The following TMTC1 variants were observed in gnomAD, a reference collection of about 807,000 sequenced individuals.
The protein encoded by TMTC1 is transmembrane O-mannosyltransferase targeting cadherins 1.
TMTC1 carries 73 observed loss-of-function variants against 104.8 expected under a neutral mutation model. The observed-to-expected ratio is 0.70, with a 90% CI of 0.58 to 0.85. The LOEUF (loss-of-function observed/expected upper bound fraction) is 0.85. Ranked by LOEUF, TMTC1 falls within the 40% of genes least tolerant of loss-of-function variation. The pLI is 0.00. For synonymous variants in TMTC1, 434 were observed against 428.7 expected (o/e 1.01, Z -0.15); for missense variants, 1,035 against 1,096.1 (o/e 0.94, Z 0.79).
At chr12:29,693,567 T>C (rs1313262045) in intron 5 of TMTC1, among the ~76,000 whole-genome samples, 1 of 152,184 alleles carries the variant, frequency 6.6e-6, no homozygotes, top group East Asian at 1.9e-4. Context: ...ACTACTATTC[T>C]ACTGTCTACT....
At chr12:29,687,529 A>T (rs1296788063) in intron 5 of TMTC1, among the ~76,000 whole-genome samples, 1 of 151,892 alleles carries the variant, frequency 6.6e-6, no homozygotes, top group Non-Finnish European at 1.5e-5. Context: ...TTTTGCTATA[A>T]AGGACATTAT....
At chr12:29,576,853 C>A (rs141468647) in intron 8 of TMTC1, among the ~76,000 whole-genome samples, 4 of 152,210 alleles carry the variant, frequency 2.6e-5, no homozygotes, top group African/African-American at 9.6e-5. Flanking sequence ...TGCTTACCTG[C>A]AGTAATCATT....
chr12:29,631,377 C>T (rs1938288884), intron 6 of TMTC1, among the ~76,000 whole-genome samples: 1 of 152,056 alleles, frequency 6.6e-6, no homozygotes, highest in South Asian at 2.1e-4. Flanking sequence ...GTGTAATTTG[C>T]TTTTATTTTT....
At chr12:29,587,438 A>C (rs953801761) in intron 7 of TMTC1, among the ~76,000 whole-genome samples, 6 of 151,590 alleles carry the variant, frequency 4.0e-5, no homozygotes, top group African/African-American at 1.5e-4. Flanking sequence ...GGCTCAACTG[A>C]TTCTCCCTCC....
At chr12:29,635,643 G>A (rs987696563) in intron 5 of TMTC1, among the ~76,000 whole-genome samples, 3 of 152,132 alleles carry the variant, frequency 2.0e-5, no homozygotes, top group Non-Finnish European at 2.9e-5. Flanking sequence ...ATGTCCTCCT[G>A]ATGGAAATAA....
At chr12:29,718,932 CAAAAAAA>C (rs35351612) in intron 5 of TMTC1, among the ~76,000 whole-genome samples, 2 of 88,292 alleles carry the variant, frequency 2.3e-5, no homozygotes, top group East Asian at 3.4e-4. Context: ...GACTCCATCT[CAAAAAAA>C]AAAAAAAAAA....
chr12:29,719,243 C>T (rs1485389322), intron 5 of TMTC1, among the ~76,000 whole-genome samples: 2 of 152,116 alleles, frequency 1.3e-5, no homozygotes, highest in Non-Finnish European at 2.9e-5. Flanking sequence ...TGGTTTTTAT[C>T]TTTAAGCTTT....
At chr12:29,573,868 T>C (rs1945748619) in intron 8 of TMTC1, among the ~76,000 whole-genome samples, 2 of 151,558 alleles carry the variant, frequency 1.3e-5, no homozygotes, top group African/African-American at 4.9e-5. Context: ...CAGTGCAAAG[T>C]CTCCAACAGA....
At chr12:29,776,921 C>T (rs1226499496) in intron 1 of TMTC1, among the ~76,000 whole-genome samples, 1 of 152,154 alleles carries the variant, frequency 6.6e-6, no homozygotes, top group Admixed American at 6.5e-5. Context: ...GTGCAAAGAA[C>T]AAGGGCTCTG....
chr12:29,614,931 C>T lies in TMTC1; in HGVS notation c.1129-10632G>A, dbSNP rs534824715. Among the ~76,000 whole-genome samples the T allele has an allele frequency of 1.2e-4, 19 of 152,320 alleles. No individual in the cohort carries two copies. The South Asian group carries it at 1.5e-3, about 12-fold the overall frequency. On this transcript the variant is annotated intron_variant, in intron 6 of 17. Coordinates refer to ENST00000539277, the MANE Select transcript of TMTC1 (RefSeq NM_001193451.2). Reference sequence around the variant, plus strand: ...TCATTGTGAGGACCAAAATCTGTAACAGGCAGAAAAATAGGGTTCACTGGC... The same window carrying T: ...TCATTGTGAGGACCAAAATCTGTAATAGGCAGAAAAATAGGGTTCACTGGC...
intron 5 of TMTC1, among the ~76,000 whole-genome samples, chr12:29,671,274 T>C (rs1225963571): frequency 6.6e-6 from 1 of 150,840 alleles, no homozygotes; most frequent in Non-Finnish European, 1.5e-5. Flanking sequence ...CACTCCAGCC[T>C]GGGCGACAGA....
intron 5 of TMTC1, among the ~76,000 whole-genome samples, chr12:29,634,905 C>G (rs1431023653): frequency 6.6e-6 from 1 of 152,146 alleles, no homozygotes; most frequent in Non-Finnish European, 1.5e-5. Context: ...GTTTAGAACA[C>G]CTTCTCAGTT....
chr12:29,551,837 T>C (rs1348562181), intron 10 of TMTC1, among the ~76,000 whole-genome samples: 1 of 151,586 alleles, frequency 6.6e-6, no homozygotes, highest in Non-Finnish European at 1.5e-5. Context: ...CCAACAAGAA[T>C]TAATATAAAT....
intron 5 of TMTC1, among the ~76,000 whole-genome samples, chr12:29,691,963 G>A (rs1240980608): frequency 1.4e-5 from 2 of 144,816 alleles, no homozygotes; most frequent in Non-Finnish European, 3.0e-5. Context: ...TGAACAGATA[G>A]GAATGTTCTC....
intron 10 of TMTC1, among the ~76,000 whole-genome samples, chr12:29,551,434 T>C (rs370042585): frequency 6.6e-6 from 1 of 152,350 alleles, no homozygotes; most frequent in Non-Finnish European, 1.5e-5. Flanking sequence ...AAATCAAATA[T>C]ATCCTGTTAT....
chr12:29,677,739 G>A (rs1172353420), intron 5 of TMTC1, among the ~76,000 whole-genome samples: 1 of 152,204 alleles, frequency 6.6e-6, no homozygotes, highest in Non-Finnish European at 1.5e-5. Context: ...TCACCCATTA[G>A]TGATGTAGCA....
intron 7 of TMTC1, among the ~76,000 whole-genome samples, chr12:29,586,279 T>G (rs1172321184): frequency 4.6e-5 from 7 of 152,278 alleles, no homozygotes; most frequent in African/African-American, 1.7e-4. Context: ...TTTTGTACAT[T>G]GATTTTGTAT....
At chr12:29,559,638 C>T (rs111383013) in intron 9 of TMTC1, among the ~76,000 whole-genome samples, 199 of 152,234 alleles carry the variant, frequency 1.3e-3, no homozygotes, top group African/African-American at 3.6e-3. Flanking sequence ...AATTATAGTC[C>T]GGGAAGAGGC....
At chr12:29,602,960 A>C (rs931876816) in intron 7 of TMTC1, among the ~76,000 whole-genome samples, 15 of 152,190 alleles carry the variant, frequency 9.9e-5, no homozygotes, top group African/African-American at 3.6e-4. Flanking sequence ...CTAAGCAAAA[A>C]CATATTTAGA....
Sources: allele counts gnomAD v4.1 joint callset (sites outside exome capture counted in the v4.1 genomes callset), GRCh38; gene constraint gnomAD v4.1.1; transcripts MANE v1.5; gene names NCBI Gene and HGNC (gene_info 2026-07-23, HGNC 2026-07-21).